TMX2: variants seen among roughly 807,000 people sequenced by gnomAD.
TMX2 encodes thioredoxin-related transmembrane protein 2.
TMX2 carries 20 observed loss-of-function variants against 33.4 expected under a neutral mutation model. The observed-to-expected ratio is 0.60, with a 90% CI of 0.42 to 0.87. TMX2 has a LOEUF of 0.87. Ranked by LOEUF, TMX2 falls within the 40% of genes least tolerant of loss-of-function variation. The pLI is 0.00. For missense variants in TMX2, 340 were observed against 370.7 expected (o/e 0.92, Z 0.68); for synonymous variants, 166 against 140.7 (o/e 1.18, Z -1.27).
intron 1 of TMX2, among the ~76,000 whole-genome samples, chr11:57,730,375 C>T (rs12790196): frequency 0.25 from 33,683 of 134,198 alleles, 4,787 homozygotes; most frequent in Non-Finnish European, 0.33. Context: ...TGCAGTGAGC[C>T]GAGATCACAC....
At chr11:57,716,123 T>C (rs1390959505) in intron 1 of TMX2, among the ~76,000 whole-genome samples, 5 of 151,964 alleles carry the variant, frequency 3.3e-5, no homozygotes, top group African/African-American at 9.7e-5. Flanking sequence ...GGGTGGTGGC[T>C]GGGCAGAGGG....
intron 1 of TMX2, among the ~76,000 whole-genome samples, chr11:57,716,839 G>T (rs549968869): frequency 2.7e-5 from 4 of 148,440 alleles, no homozygotes; most frequent in Non-Finnish European, 4.4e-5. Context: ...CGGGCGGGGG[G>T]CTGACCCCCC....
rs1949012705 is a variant in TMX2, at chr11:57,740,352, T to C, written c.*107T>C. On this transcript the variant is annotated 3_prime_UTR_variant, in exon 8 of 8. Coordinates refer to ENST00000278422, the MANE Select transcript of TMX2 (RefSeq NM_015959.4). ...TTTATGTTTTCCCTTTGGCTGTGAC[T>C]GGGTGGGGCAGCATGCAGCTTCTGA... The C allele has an allele frequency of 7.6e-7, 1 of 1,322,550 alleles. No homozygotes were observed. The highest frequency in any genetic ancestry group is 1.5e-5 in the African/African-American group (1 of 65,978). 81.9% of individuals were successfully genotyped at this position (1,322,550 alleles called of 1,614,324 possible).
chr11:57,721,281 A>G (rs1338208311), intron 1 of TMX2, among the ~76,000 whole-genome samples: 1 of 151,958 alleles, frequency 6.6e-6, no homozygotes, highest in Non-Finnish European at 1.5e-5. Flanking sequence ...AGCCTAGGTG[A>G]CAGAGTGAGA....
At chr11:57,715,586 C>CTTTTTTTTTTTTTTTTTT (rs367827761) in intron 1 of TMX2, among the ~76,000 whole-genome samples, 19 of 130,108 alleles carry the variant, frequency 1.5e-4, no homozygotes, top group African/African-American at 2.3e-4. Flanking sequence ...AATTTGTTTT[C>CTTTTTTTTTTTTTTTTTT]TTTTTTTTTT....
Position 57,733,208 on chromosome 11 carries a change from G to GT in TMX2, c.190-4389dup, listed in dbSNP as rs199852037. 4.5e-3 allele frequency among the ~76,000 whole-genome samples: 470 copies of GT among 103,628 alleles called. 2 individuals are homozygous for GT. Among genetic ancestry groups the GT allele is most frequent in the African/African-American group, 0.014 (393 of 27,806 alleles). 68.0% of individuals were successfully genotyped at this position (103,628 alleles called of 152,430 possible). A position where few individuals can be genotyped will look rare whatever the true frequency, so the allele number is the denominator to read the frequency against. On this transcript the variant is annotated intron_variant, in intron 1 of 7. Transcript: ENST00000278422. Reference sequence around the variant, plus strand: ...GTGTGTCAGTGATAACTGTGGTTGTGTTTTTTTTTTTAAGTCCTCGTGTAA... The same window carrying GT: ...GTGTGTCAGTGATAACTGTGGTTGTGTTTTTTTTTTTTAAGTCCTCGTGTAA...
intron 1 of TMX2, 148 bp from the exon 2 acceptor site, chr11:57,737,460 C>G: frequency 1.5e-6 from 1 of 655,754 alleles, no homozygotes; most frequent in East Asian, 2.7e-5. Context: ...GATGTTTATC[C>G]CCGTACACCT....
chr11:57,731,433 C>CTT (rs140987390), intron 1 of TMX2, among the ~76,000 whole-genome samples: 988 of 66,604 alleles, frequency 0.015, 5 homozygotes, highest in East Asian at 0.054. Context: ...CGCACCCAGC[C>CTT]TTTTTTTTTT....
At position 57,740,956 on chromosome 11, in the gene TMX2, A is replaced by G. The variant is rs2135675211; in HGVS notation, c.*711A>G. On this transcript the variant is annotated 3_prime_UTR_variant, in exon 8 of 8. Coordinates refer to ENST00000278422, the MANE Select transcript of TMX2 (RefSeq NM_015959.4). ...GTTGATGGCTTTCCGTAATAAAAAG[A>G]TTGGGATTTCCTTTTGATTGCGCGT... The G allele has an allele frequency of 6.6e-6, 1 of 152,348 alleles. No individual in the cohort carries two copies. The highest frequency in any genetic ancestry group is 2.4e-5 in the African/African-American group (1 of 41,572). 9.4% of individuals were successfully genotyped at this position (152,348 alleles called of 1,614,324 possible). A position where few individuals can be genotyped will look rare whatever the true frequency, so the allele number is the denominator to read the frequency against.
chr11:57,731,829 C>T (rs1338192935), intron 1 of TMX2, among the ~76,000 whole-genome samples: 2 of 152,138 alleles, frequency 1.3e-5, no homozygotes, highest in Non-Finnish European at 2.9e-5. Context: ...TTAAAACTCA[C>T]CCACCAGTCT....
chr11:57,712,605 T>A lies in TMX2; in HGVS notation c.-14T>A, dbSNP rs750327596. ...CTACGACGCCGGCGAGCAGTGGCCG[T>A]TACGGCCGAAAAGATGGCGGTCTTG... On this transcript the variant is annotated 5_prime_UTR_variant, in exon 1 of 8. Coordinates refer to ENST00000278422, the MANE Select transcript of TMX2 (RefSeq NM_015959.4). 1.1e-5 allele frequency: 17 copies of A among 1,600,132 alleles called. No homozygotes were observed. Among genetic ancestry groups the A allele is most frequent in the Non-Finnish European group, 1.0e-5 (12 of 1,171,066 alleles).
At chr11:57,730,893 T>C (rs1948340259) in intron 1 of TMX2, among the ~76,000 whole-genome samples, 2 of 152,140 alleles carry the variant, frequency 1.3e-5, no homozygotes, top group South Asian at 4.1e-4. Context: ...AAGGAATTTT[T>C]AAAGGGGTTG....
chr11:57,735,479 G>A (rs1449632441), intron 1 of TMX2, among the ~76,000 whole-genome samples: 1 of 152,082 alleles, frequency 6.6e-6, no homozygotes, highest in Non-Finnish European at 1.5e-5. Flanking sequence ...CCAAAGTGCT[G>A]GGATTACAGG....
Position 57,712,716 on chromosome 11 carries a change from C to T in TMX2, c.98C>T (p.Ser33Phe). Residue 33 changes from serine to phenylalanine, a missense_variant, in exon 1 of 8, where the codon TCT becomes TTT. Transcript: ENST00000278422. ...TACTACCTTCTGTCGGCCCTGCTCT[C>T]TGCTGCCTTCCTACTCGTGAGGAAA... ...QPYYLLSALL[S>F]AAFLLVRKLP... 1 of 1,614,198 alleles carries T rather than the reference C, an allele frequency of 6.2e-7. No homozygotes were observed. The highest frequency in any genetic ancestry group is 8.5e-7 in the Non-Finnish European group (1 of 1,180,030).
At chr11:57,722,831 G>C (rs1305086649) in intron 1 of TMX2, among the ~76,000 whole-genome samples, 1 of 152,062 alleles carries the variant, frequency 6.6e-6, no homozygotes, top group Admixed American at 6.5e-5. Context: ...AATTTTATTG[G>C]CTGGGGTGCA....
rs532570636 is a variant in TMX2 at position 57,725,502 on chromosome 11, C to T, written c.190-12106C>T. On this transcript the variant is annotated intron_variant, in intron 1 of 7. Transcript: ENST00000278422. ...TTGTAATCCCACCACTTTGGGAGAC[C>T]GAGGCGGGTGGATCACTTGTGGTCA... Among the ~76,000 whole-genome samples the T allele has an allele frequency of 1.1e-4, 16 of 152,162 alleles. No homozygotes were observed. In the East Asian group the frequency reaches 1.7e-3, roughly 17 times the overall value.
intron 1 of TMX2, among the ~76,000 whole-genome samples, chr11:57,728,225 C>G (rs1948127554): frequency 6.6e-6 from 1 of 152,134 alleles, no homozygotes; most frequent in African/African-American, 2.4e-5. Flanking sequence ...TGCAGTGGCG[C>G]CATCTCGGCT....
intron 1 of TMX2, among the ~76,000 whole-genome samples, chr11:57,723,853 A>G (rs1046693864): frequency 1.4e-5 from 2 of 140,696 alleles, no homozygotes; most frequent in African/African-American, 5.0e-5. Context: ...GAGTTGCTTT[A>G]TAATGAAGAA....
chr11:57,725,135 T>A (rs534930575), intron 1 of TMX2, among the ~76,000 whole-genome samples: 1 of 152,278 alleles, frequency 6.6e-6, no homozygotes, highest in East Asian at 1.9e-4. Context: ...ACTGAAGATG[T>A]AAATCTGCTC....
Sources: allele counts gnomAD v4.1 joint callset (sites outside exome capture counted in the v4.1 genomes callset), GRCh38; gene constraint gnomAD v4.1.1; transcripts MANE v1.5; gene names NCBI Gene and HGNC (gene_info 2026-07-23, HGNC 2026-07-21).